Variants in RGS6 observed in about 807,000 individuals in gnomAD.
The protein encoded by RGS6 is regulator of G protein signaling 6.
A neutral mutation model predicts 78.5 loss-of-function variants in RGS6; 30 were observed. The observed-to-expected ratio is 0.38, with a 90% CI of 0.29 to 0.52. RGS6 has a LOEUF of 0.52. Ranked by LOEUF, RGS6 falls within the 20% of genes least tolerant of loss-of-function variation. RGS6 has a pLI of 0.85. For synonymous variants in RGS6, 206 were observed against 206.0 expected, an observed-to-expected ratio of 1.00 and a Z score of 0.00; for missense variants, 495 against 609.7, an observed-to-expected ratio of 0.81 and a Z score of 1.98.
At chr14:72,387,998 C>T (rs1596585189) in intron 3 of RGS6, among the ~76,000 whole-genome samples, 1 of 152,106 alleles carries the variant, frequency 6.6e-6, no homozygotes, top group Non-Finnish European at 1.5e-5. Flanking sequence ...TCAGGCATAC[C>T]CTGATGACCT....
chr14:72,199,824 C>A (rs1449314614), intron 2 of RGS6, among the ~76,000 whole-genome samples: 1 of 152,160 alleles, frequency 6.6e-6, no homozygotes, highest in Admixed American at 6.5e-5. Flanking sequence ...AACTATGGCC[C>A]ATGGACCAAA....
chr14:72,265,441 G>T (rs1429013625), intron 2 of RGS6, among the ~76,000 whole-genome samples: 1 of 152,142 alleles, frequency 6.6e-6, no homozygotes, highest in Admixed American at 6.5e-5. Context: ...GCCCTCAAGG[G>T]TGGAGAAGAC....
the RGS6 span, among the ~76,000 whole-genome samples, chr14:72,579,737 A>G: frequency 5.3e-5 from 8 of 152,202 alleles, no homozygotes; most frequent in Non-Finnish European, 1.0e-4. Flanking sequence ...GTAATTCATA[A>G]TCTCACCAGG....
the RGS6 span, among the ~76,000 whole-genome samples, chr14:71,899,571 G>A: frequency 6.6e-6 from 1 of 152,176 alleles, no homozygotes; most frequent in African/African-American, 2.4e-5. Flanking sequence ...ATTTTGCCTT[G>A]CTGAAGTGAT....
intron 6 of RGS6, among the ~76,000 whole-genome samples, chr14:72,463,451 A>G (rs947405668): frequency 6.6e-6 from 1 of 152,244 alleles, no homozygotes; most frequent in African/African-American, 2.4e-5. Flanking sequence ...CTTTAGGCAC[A>G]GGGACATTAG....
chr14:72,417,975 C>T (rs909017756), intron 3 of RGS6, among the ~76,000 whole-genome samples: 1 of 152,154 alleles, frequency 6.6e-6, no homozygotes, highest in Non-Finnish European at 1.5e-5. Context: ...TGGGGGCGAT[C>T]TGAACACTTG....
At chr14:72,011,333 A>G (rs2085660634) in intron 2 of RGS6, among the ~76,000 whole-genome samples, 1 of 152,210 alleles carries the variant, frequency 6.6e-6, no homozygotes, top group East Asian at 1.9e-4. Flanking sequence ...GGCCTGATGG[A>G]TCTTTCGAAA....
intron 2 of RGS6, among the ~76,000 whole-genome samples, chr14:72,225,905 C>G (rs962125922): frequency 1.3e-5 from 2 of 152,178 alleles, no homozygotes; most frequent in Non-Finnish European, 2.9e-5. Context: ...TGCTTCAGCT[C>G]ATTCCATAAA....
At chr14:71,906,417 G>C in the RGS6 span, among the ~76,000 whole-genome samples, 1 of 152,184 alleles carries the variant, frequency 6.6e-6, no homozygotes, top group Non-Finnish European at 1.5e-5. Flanking sequence ...GGGGCAGACT[G>C]GGTGAGGAAG....
chr14:72,021,419 C>G (rs550637951), intron 2 of RGS6, among the ~76,000 whole-genome samples: 1 of 151,570 alleles, frequency 6.6e-6, no homozygotes, highest in Admixed American at 6.6e-5. Context: ...TCACAACTTG[C>G]TGATGCTATT....
At chr14:72,260,558 G>C (rs561835004) in intron 2 of RGS6, among the ~76,000 whole-genome samples, 1 of 152,186 alleles carries the variant, frequency 6.6e-6, no homozygotes, top group Admixed American at 6.5e-5. Flanking sequence ...CTCATAAAGA[G>C]TATTGGGGAA....
rs1284153975 is a variant in RGS6, at chr14:72,454,578, G to C, written c.235G>C (p.Val79Leu). 6.2e-7 allele frequency: 1 copy of C among 1,613,746 alleles called. No individual in the cohort carries two copies. Residue 79 changes from valine (V) to leucine (L), a missense_variant and splice_region_variant, in exon 4 of 18, where the codon GTT becomes CTT. By Grantham distance (32) the Val-to-Leu change is conservative. Coordinates refer to ENST00000553525, the MANE Select transcript of RGS6 (RefSeq NM_001204424.2). ...GAAGAACCTTTCCATTGAGGACCCA[G>C]GTACTTGACCTTTGACCCCACCCTT... is the stretch of plus-strand genomic sequence containing the variant. ...LMKNLSIEDP[V>L]EAIHLGSLIA...
intron 14 of RGS6, among the ~76,000 whole-genome samples, chr14:72,515,436 C>T (rs1320240838): frequency 2.6e-5 from 4 of 152,214 alleles, no homozygotes; most frequent in South Asian, 2.1e-4. Flanking sequence ...GAGGCCAAGG[C>T]GGGCGGATCA....
chr14:72,350,986 T>C (rs980056046), intron 2 of RGS6, among the ~76,000 whole-genome samples: 4 of 152,172 alleles, frequency 2.6e-5, no homozygotes, highest in Admixed American at 6.5e-5. Context: ...TAACAAGTTA[T>C]CTATTTCTAT....
At chr14:72,108,201 A>G (rs781396295) in intron 2 of RGS6, among the ~76,000 whole-genome samples, 2 of 152,172 alleles carry the variant, frequency 1.3e-5, no homozygotes, top group African/African-American at 2.4e-5. Context: ...TTGCTTGGAT[A>G]TAAAATCCTT....
intron 2 of RGS6, among the ~76,000 whole-genome samples, chr14:72,082,400 A>G (rs1475095335): frequency 1.3e-5 from 2 of 152,026 alleles, no homozygotes; most frequent in African/African-American, 2.4e-5. Context: ...ATTTGTAGCT[A>G]TTGAAAAAAG....
chr14:72,349,291 TC>T (rs2078673969), intron 2 of RGS6, among the ~76,000 whole-genome samples: 1 of 152,240 alleles, frequency 6.6e-6, no homozygotes, highest in Non-Finnish European at 1.5e-5. Flanking sequence ...TCTCTCATCT[TC>T]CTTGAAATAA....
Position 72,324,507 on chromosome 14 carries a change from T to TC in RGS6, c.85-27583dup, listed in dbSNP as rs572450715. On this transcript the variant is annotated intron_variant, in intron 2 of 17. Coordinates refer to ENST00000553525, the MANE Select transcript of RGS6 (RefSeq NM_001204424.2). ...ATCTCCTAATGCTATCCCTCCCCCATCCCCCTACCCCACAACAGGCCCAGT... is the reference window on the plus strand; with the variant it reads ...ATCTCCTAATGCTATCCCTCCCCCATCCCCCCTACCCCACAACAGGCCCAGT... Among the ~76,000 whole-genome samples the TC allele has an allele frequency of 3.0e-4, 45 of 151,990 alleles. 1 individual carries two copies. In the East Asian group the frequency reaches 6.8e-3, roughly 23 times the overall value.
At chr14:71,998,815 G>A (rs1251777143) in intron 2 of RGS6, among the ~76,000 whole-genome samples, 1 of 152,226 alleles carries the variant, frequency 6.6e-6, no homozygotes, top group African/African-American at 2.4e-5. Context: ...TAAGGGTCAA[G>A]TTAAGAACTG....
Sources: allele counts gnomAD v4.1 joint callset (sites outside exome capture counted in the v4.1 genomes callset), GRCh38; gene constraint gnomAD v4.1.1; transcripts MANE v1.5; gene names NCBI Gene and HGNC (gene_info 2026-07-23, HGNC 2026-07-21).